Variants in NAMPT observed in about 807,000 individuals in gnomAD.
NAMPT encodes the protein nicotinamide phosphoribosyltransferase.
A neutral mutation model predicts 58.7 loss-of-function variants in NAMPT; 7 were observed. The ratio of observed to expected loss-of-function variants is 0.12; its 90% CI spans 0.07 to 0.22. The LOEUF is 0.22. Among genes scored for constraint, NAMPT ranks in the 10% least tolerant of loss-of-function variants. The pLI is 1.00. For synonymous variants in NAMPT, 145 were observed against 198.1 expected, an observed-to-expected ratio of 0.73 and a Z score of 2.25; for missense variants, 271 against 567.9, an observed-to-expected ratio of 0.48 and a Z score of 5.31.
intron 4 of NAMPT, 87 bp downstream of exon 4, chr7:106,272,433 ATTATATAGCT>A: frequency 9.0e-7 from 1 of 1,116,866 alleles, no homozygotes; most frequent in Admixed American, 2.9e-5. Flanking sequence ...ATTATAGGAG[ATTATATAGCT>A]TTATTAGTAA....
chr7:106,270,610 G>C (rs1002113190), intron 4 of NAMPT, among the ~76,000 whole-genome samples: 2 of 152,144 alleles, frequency 1.3e-5, no homozygotes, highest in Non-Finnish European at 2.9e-5. Flanking sequence ...AAAGTCATGT[G>C]TGACTCCCAA....
At position 106,254,514 on chromosome 7, in the gene NAMPT, T is replaced by TAAAAC. The variant is rs769391281; in HGVS notation, c.1090-15_1090-11dup. 21 of 1,612,702 alleles carry TAAAAC rather than the reference T, an allele frequency of 1.3e-5. No homozygotes were observed. The highest frequency in any genetic ancestry group is 1.5e-5 in the Non-Finnish European group (18 of 1,179,132). ...TCATGCCTTCTACAATCTAGAAGAT[T>TAAAAC]AAAACAAAACAAAACCAAACCAAAC... On this transcript the variant is annotated splice_polypyrimidine_tract_variant and intron_variant, in intron 8 of 10. Transcript: ENST00000222553.
chr7:106,254,682 A>G (rs774401359), intron 8 of NAMPT, among the ~76,000 whole-genome samples, 178 bp from the exon 9 acceptor site: 17 of 152,178 alleles, frequency 1.1e-4, no homozygotes, highest in Non-Finnish European at 1.9e-4. Context: ...AAAGATGGAT[A>G]TGTGTGGAAG....
At chr7:106,264,647 A>G (rs1792375280) in intron 6 of NAMPT, among the ~76,000 whole-genome samples, 2 of 152,074 alleles carry the variant, frequency 1.3e-5, no homozygotes, top group South Asian at 4.1e-4. Flanking sequence ...TATAATGTAA[A>G]TAATTTTAAA....
Position 106,284,856 on chromosome 7 carries a change from T to C in NAMPT, c.29A>G (p.Asn10Ser), listed in dbSNP as rs1464015200. ...GTAGGAGTCGGTGGCCAGGAGGATG[T>C]TGAACTCGGCTTCTGCCGCAGGATT... MNPAAEAEF[N>S]ILLATDSYKV... Residue 10 changes from asparagine (N) to serine (S), a missense_variant, in exon 1 of 11, where the codon AAC becomes AGC. Asn to Ser is a conservative substitution (Grantham distance 46). Around this residue, in one of 4 missense-constraint regions of NAMPT, gnomAD observed 23 missense variants for 16.4 expected, o/e 1.40. Transcript: ENST00000222553. 4 of 1,577,686 alleles carry C rather than the reference T, an allele frequency of 2.5e-6. No homozygotes were observed. In the African/African-American group the frequency reaches 4.1e-5, roughly 16 times the overall value.
upstream of NAMPT, chr7:106,285,193 G>A (rs1792850248): frequency 8.2e-7 from 1 of 1,212,904 alleles, no homozygotes; most frequent in African/African-American, 1.6e-5. Context: ...GCGCGGCAGC[G>A]CGCTGCGCAG....
At chr7:106,252,340 C>T (rs1033909111) in intron 10 of NAMPT, among the ~76,000 whole-genome samples, 9 of 151,902 alleles carry the variant, frequency 5.9e-5, no homozygotes, top group East Asian at 1.9e-4. Flanking sequence ...TTTTCATTAA[C>T]GGTAACAAAG....
chr7:106,270,735 C>G (rs1428368053), intron 4 of NAMPT, among the ~76,000 whole-genome samples: 1 of 152,170 alleles, frequency 6.6e-6, no homozygotes, highest in Non-Finnish European at 1.5e-5. Flanking sequence ...AGCTATCTGA[C>G]CTGAGGCCCC....
chr7:106,252,906 A>C, intron 10 of NAMPT, 111 bp downstream of exon 10: 3 of 1,322,438 alleles, frequency 2.3e-6, no homozygotes, highest in Non-Finnish European at 3.1e-6. Context: ...TTTATAATAA[A>C]ATATAATACT....
Position 106,248,826 on chromosome 7 carries a change from T to C in NAMPT, c.*2257A>G, listed in dbSNP as rs1331893126. 2.0e-5 allele frequency: 3 copies of C among 152,108 alleles called. No individual in the cohort carries two copies. The highest frequency in any genetic ancestry group is 4.4e-5 in the Non-Finnish European group (3 of 67,980). 9.4% of individuals were successfully genotyped at this position (152,108 alleles called of 1,614,324 possible). ...CGTGTTAACCGTTTGGTGCTCAGAA[T>C]GGAGATGGCCAAATACCAAGTGCTT... On this transcript the variant is annotated 3_prime_UTR_variant, in exon 11 of 11. Transcript: ENST00000222553.
At position 106,263,448 on chromosome 7, in the gene NAMPT, G is replaced by C. The variant is rs764739639; in HGVS notation, c.913C>G (p.Gln305Glu). The C allele has an allele frequency of 1.9e-6, 3 of 1,601,616 alleles. No individual in the cohort carries two copies. In the East Asian group the frequency reaches 6.7e-5, roughly 36 times the overall value. Residue 305 changes from glutamine to glutamate, a missense_variant, in exon 7 of 11, where the codon CAG (glutamine) becomes GAG (glutamate). Gln to Glu is a conservative substitution (Grantham distance 29). Around this residue, in one of 4 missense-constraint regions of NAMPT, gnomAD observed 143 missense variants for 331.1 expected, o/e 0.43. Coordinates refer to ENST00000222553, the MANE Select transcript of NAMPT (RefSeq NM_005746.3). ...TCAGGTCTGATTATTAGTGGTGCCT[G>C]TGTACTTCTTGATACTATTAAATGT... Reference protein sequence around the residue: ...LRHLIVSRSTQAPLIIRPDSG... With the variant: ...LRHLIVSRSTEAPLIIRPDSG...
rs2058541 is a variant in NAMPT, at chr7:106,276,855, A to C, written c.214+168T>G. 246,939 of 514,750 alleles carry C rather than the reference A, an allele frequency of 0.48. 52,238 individuals carry two copies. The highest frequency in any genetic ancestry group is 0.73 in the East Asian group (19,253 of 26,426). 31.9% of individuals were successfully genotyped at this position (514,750 alleles called of 1,614,324 possible). A position where few individuals can be genotyped will look rare whatever the true frequency, so the allele number is the denominator to read the frequency against. On this transcript the variant is annotated intron_variant, in intron 2 of 10. Coordinates refer to ENST00000222553, the MANE Select transcript of NAMPT (RefSeq NM_005746.3). The stretch of plus-strand genomic sequence containing the variant: ...GAAACTCGGTTTCCAAAAAAAAAAA[A>C]AAACCTTTTATTTCAGAAAACTTTT...
At position 106,284,618 on chromosome 7, in the gene NAMPT, T is replaced by C. The variant is rs939873075; in HGVS notation, c.57+210A>G. 4 of 314,878 alleles carry C rather than the reference T, an allele frequency of 1.3e-5. No homozygotes were observed. The South Asian group carries it at 5.2e-4, about 41-fold the overall frequency. 19.5% of individuals were successfully genotyped at this position (314,878 alleles called of 1,614,324 possible). On this transcript the variant is annotated intron_variant, in intron 1 of 10. Coordinates refer to ENST00000222553, the MANE Select transcript of NAMPT (RefSeq NM_005746.3). ...AGGCCCCGCCTCCACCGCCCAGCCC[T>C]CCATCCTCCTCAAGCCACCTCCTGC...
intron 9 of NAMPT, among the ~76,000 whole-genome samples, chr7:106,253,779 TC>T (rs2115722818): frequency 6.6e-6 from 1 of 152,178 alleles, no homozygotes; most frequent in Non-Finnish European, 1.5e-5. Flanking sequence ...CCCAGAACTT[TC>T]CAAAGAAAGA....
At chr7:106,280,346 G>A (rs1171820106) in intron 1 of NAMPT, among the ~76,000 whole-genome samples, 1 of 152,102 alleles carries the variant, frequency 6.6e-6, no homozygotes, top group Non-Finnish European at 1.5e-5. Flanking sequence ...AGATGGGGAA[G>A]GCTATCAAAT....
rs563561919 is a variant in NAMPT at position 106,268,309 on chromosome 7, T to A, written c.743+155A>T. 35 of 664,116 alleles carry A rather than the reference T, an allele frequency of 5.3e-5. No homozygotes were observed. The Admixed American group carries it at 6.6e-4, about 13-fold the overall frequency. The allele number at this position is 664,116 out of a possible 1,614,324, so 41.1% of individuals were successfully genotyped here. ...AATTTCTCTGCCTCTCTAAGACTAA[T>A]GTTTATACTTTTGTATAAATACTGA... On this transcript the variant is annotated intron_variant, in intron 6 of 10. Transcript: ENST00000222553.
At chr7:106,258,331 T>G (rs1792245076) in intron 8 of NAMPT, among the ~76,000 whole-genome samples, 1 of 152,228 alleles carries the variant, frequency 6.6e-6, no homozygotes, top group East Asian at 1.9e-4. Flanking sequence ...AAAACTACTA[T>G]AATTTGGGTA....
At chr7:106,283,508 G>C (rs1431722519) in intron 1 of NAMPT, among the ~76,000 whole-genome samples, 17 of 152,056 alleles carry the variant, frequency 1.1e-4, no homozygotes, top group Admixed American at 1.1e-3. Context: ...TATCAATGAG[G>C]CTATTCTAAA....
intron 8 of NAMPT, among the ~76,000 whole-genome samples, chr7:106,261,065 T>C (rs1471938980): frequency 6.6e-5 from 10 of 152,148 alleles, no homozygotes; most frequent in Non-Finnish European, 1.5e-4. Context: ...AACCTTCAAT[T>C]TGTAAAAAAA....
Sources: allele counts gnomAD v4.1 joint callset (sites outside exome capture counted in the v4.1 genomes callset), GRCh38; gene constraint gnomAD v4.1.1; regional missense constraint gnomAD v4.1.1; transcripts MANE v1.5; gene names NCBI Gene and HGNC (gene_info 2026-07-23, HGNC 2026-07-21).